Variants in KCNJ4 observed in about 807,000 individuals in gnomAD.
KCNJ4 encodes the protein inward rectifier potassium channel 4.
KCNJ4 carries 3 observed loss-of-function variants against 25.6 expected under a neutral mutation model. The observed-to-expected ratio is 0.12, with a 90% CI of 0.05 to 0.30. KCNJ4 has a LOEUF of 0.30. KCNJ4 is among the 10% of genes least tolerant of loss of function. The probability of loss-of-function intolerance (pLI) is 1.00; values close to 1 mark genes in which losing one functional copy is unlikely to be tolerated. For missense variants in KCNJ4, 286 were observed against 666.8 expected, an observed-to-expected ratio of 0.43 and a Z score of 6.29; for synonymous variants, 257 against 283.9, an observed-to-expected ratio of 0.91 and a Z score of 0.95.
chr22:38,434,925 A>G (rs2093061099), intron 1 of KCNJ4, among the ~76,000 whole-genome samples: 1 of 152,234 alleles, frequency 6.6e-6, no homozygotes, highest in African/African-American at 2.4e-5. Context: ...CCGCTGCTGA[A>G]TGAACATGAC....
intron 1 of KCNJ4, among the ~76,000 whole-genome samples, chr22:38,433,662 T>C (rs2093056959): frequency 6.6e-6 from 1 of 152,122 alleles, no homozygotes. Flanking sequence ...TCTGCAAGTC[T>C]TTAGTCCAGA....
chr22:38,427,033 G>GGGC lies in KCNJ4; in HGVS notation c.1099_1100insGCC (p.Pro366_Pro367insArg). On this transcript the variant is annotated inframe_insertion, in exon 2 of 2. Transcript: ENST00000303592. The stretch of plus-strand genomic sequence containing the variant: ...GTTCTCGTAGCAGAAGGCACTGGGA[G>GGGC]GGGGCGGTGGGGCGGGCAGCACGGT... 6.2e-7 allele frequency: 1 copy of GGGC among 1,612,664 alleles called. No homozygotes were observed. The highest frequency in any genetic ancestry group is 1.1e-5 in the South Asian group (1 of 91,080).
chr22:38,445,360 C>T (rs930559344), intron 1 of KCNJ4, among the ~76,000 whole-genome samples: 2 of 152,140 alleles, frequency 1.3e-5, no homozygotes, highest in East Asian at 1.9e-4. Flanking sequence ...CCAGGGAAAT[C>T]GGAACCTGAG....
At chr22:38,446,527 G>T (rs1321178703) in intron 1 of KCNJ4, among the ~76,000 whole-genome samples, 1 of 152,216 alleles carries the variant, frequency 6.6e-6, no homozygotes, top group African/African-American at 2.4e-5. Flanking sequence ...CAAGGCAGTG[G>T]CTGGTGATGG....
chr22:38,429,123 C>A (rs1330982493), intron 1 of KCNJ4, among the ~76,000 whole-genome samples: 2 of 150,252 alleles, frequency 1.3e-5, no homozygotes, highest in Non-Finnish European at 3.0e-5. Flanking sequence ...AAAAGTTCTA[C>A]TGGGACCCGC....
chr22:38,428,163 A>T lies in KCNJ4; in HGVS notation c.-31T>A. The T allele has an allele frequency of 6.3e-7, 1 of 1,586,398 alleles. No individual in the cohort carries two copies. Among genetic ancestry groups the T allele is most frequent in the Non-Finnish European group, 8.6e-7 (1 of 1,164,906 alleles). The stretch of plus-strand genomic sequence containing the variant: ...GAAGCCGGCGTGGTCACCTGGGAAG[A>T]CGCAGGGCCTGCGGAGGAGAAGCCG... On this transcript the variant is annotated 5_prime_UTR_variant, in exon 2 of 2. Transcript: ENST00000303592.
intron 1 of KCNJ4, among the ~76,000 whole-genome samples, chr22:38,433,809 A>G (rs553637260): frequency 2.0e-4 from 30 of 152,110 alleles, no homozygotes; most frequent in Non-Finnish European, 3.8e-4. Flanking sequence ...CATCCTGAGG[A>G]ATTAGGGAGG....
At chr22:38,430,557 G>A (rs960608106) in intron 1 of KCNJ4, among the ~76,000 whole-genome samples, 1 of 152,138 alleles carries the variant, frequency 6.6e-6, no homozygotes, top group East Asian at 1.9e-4. Flanking sequence ...CTGGAGACCC[G>A]ACAGGTCATG....
At chr22:38,434,330 C>T (rs1049079992) in intron 1 of KCNJ4, among the ~76,000 whole-genome samples, 1 of 152,212 alleles carries the variant, frequency 6.6e-6, no homozygotes, top group Admixed American at 6.5e-5. Context: ...TCCTCTCTCT[C>T]CAGCCCCTCT....
At chr22:38,428,773 A>T (rs1306270089) in intron 1 of KCNJ4, among the ~76,000 whole-genome samples, 1 of 152,194 alleles carries the variant, frequency 6.6e-6, no homozygotes, top group Non-Finnish European at 1.5e-5. Context: ...CAGAGAAGAC[A>T]CAGGAGAGTT....
At chr22:38,434,847 T>C (rs1416214391) in intron 1 of KCNJ4, among the ~76,000 whole-genome samples, 1 of 152,234 alleles carries the variant, frequency 6.6e-6, no homozygotes, top group Non-Finnish European at 1.5e-5. Flanking sequence ...TCCCAGCATA[T>C]CCTCTTTGAA....
chr22:38,428,119 C>T lies in KCNJ4; in HGVS notation c.14G>A (p.Ser5Asn). The T allele has an allele frequency of 6.2e-7, 1 of 1,611,334 alleles. No individual in the cohort carries two copies. The highest frequency in any genetic ancestry group is 8.5e-7 in the Non-Finnish European group (1 of 1,178,530). The change falls in exon 2 of 2, where the codon AGC (serine) becomes AAC (asparagine). Residue 5 changes from serine (S) to asparagine (N), a missense_variant. Around this residue, in one of 11 missense-constraint regions of KCNJ4, gnomAD observed 32 missense variants for 38.4 expected, o/e 0.83. Coordinates refer to ENST00000303592, the MANE Select transcript of KCNJ4 (RefSeq NM_152868.3). ...GGGCACGTGGGCCTGGCCGTTGCGG[C>T]TGTGTCCGTGCATGTCCTGAAGCCG... is the stretch of plus-strand genomic sequence containing the variant. Reference protein sequence around the residue: MHGHSRNGQAHVPRR... With the variant: MHGHNRNGQAHVPRR...
At chr22:38,435,204 G>C (rs983941588) in intron 1 of KCNJ4, among the ~76,000 whole-genome samples, 1 of 152,110 alleles carries the variant, frequency 6.6e-6, no homozygotes, top group Non-Finnish European at 1.5e-5. Flanking sequence ...GGTGACAGAT[G>C]GGGGGCGCTC....
chr22:38,435,877 G>A (rs117996858), intron 1 of KCNJ4, among the ~76,000 whole-genome samples: 2,117 of 152,120 alleles, frequency 0.014, 23 homozygotes, highest in Non-Finnish European at 0.023. Context: ...CCAGGCCCAC[G>A]GCTCTTTGAG....
chr22:38,426,731 G>A lies in KCNJ4; in HGVS notation c.*64C>T. On this transcript the variant is annotated 3_prime_UTR_variant, in exon 2 of 2. Coordinates refer to ENST00000303592, the MANE Select transcript of KCNJ4 (RefSeq NM_152868.3). Reference sequence around the variant, plus strand: ...GGCTCTGTCCTGAGTGTGGGAGGGGGTGTCCTGGCATCCCACCCCCGGCAG... The same window carrying A: ...GGCTCTGTCCTGAGTGTGGGAGGGGATGTCCTGGCATCCCACCCCCGGCAG... 6.5e-7 allele frequency: 1 copy of A among 1,538,562 alleles called. No individual in the cohort carries two copies. The highest frequency in any genetic ancestry group is 8.8e-7 in the Non-Finnish European group (1 of 1,138,012).
rs1219448016 is a variant in KCNJ4 at position 38,449,684 on chromosome 22, A to T, written c.-40+5296T>A. Among the ~76,000 whole-genome samples the T allele has an allele frequency of 6.6e-6, 1 of 152,236 alleles. No homozygotes were observed. The highest frequency in any genetic ancestry group is 1.9e-4 in the East Asian group (1 of 5,190). ...CACCCTGTGTGTCCCAACAGAGAAC[A>T]GTGGTCTTAGAATCAGGCAAAACCC... On this transcript the variant is annotated intron_variant, in intron 1 of 1. Transcript: ENST00000303592. The surrounding 1 kb of genome is among the most constrained non-coding windows in gnomAD (Gnocchi z 5.2).
At chr22:38,441,750 G>A (rs1050059036) in intron 1 of KCNJ4, among the ~76,000 whole-genome samples, 6 of 152,144 alleles carry the variant, frequency 3.9e-5, no homozygotes, top group African/African-American at 1.4e-4. Flanking sequence ...CGCCTGTGAC[G>A]CCTCCTGGGC....
intron 1 of KCNJ4, among the ~76,000 whole-genome samples, chr22:38,433,420 T>C (rs1011283940): frequency 2.0e-5 from 3 of 152,216 alleles, no homozygotes; most frequent in African/African-American, 4.8e-5. Context: ...CACTCCAGCC[T>C]GGGCAACAAG....
intron 1 of KCNJ4, among the ~76,000 whole-genome samples, chr22:38,429,010 G>GGGGGTCAAGGCTGCAGTGAGCT (rs2093041105): frequency 6.6e-6 from 1 of 151,128 alleles, no homozygotes; most frequent in African/African-American, 2.4e-5. Flanking sequence ...ATTGAGCCCA[G>GGGGGTCAAGGCTGCAGTGAGCT]GGGGTCAAGG....
Sources: allele counts gnomAD v4.1 joint callset (sites outside exome capture counted in the v4.1 genomes callset), GRCh38; gene constraint gnomAD v4.1.1; regional missense constraint gnomAD v4.1.1; non-coding constraint Gnocchi (gnomAD v3.1); transcripts MANE v1.5; gene names NCBI Gene and HGNC (gene_info 2026-07-23, HGNC 2026-07-21).